The following PARD3 variants were observed in gnomAD, a reference collection of about 807,000 sequenced individuals.
PARD3 encodes the protein par-3 family cell polarity regulator, also known as partitioning defective 3 homolog.
PARD3 carries 75 observed loss-of-function variants against 155.4 expected under a neutral mutation model. The observed-to-expected ratio is 0.48, with a 90% CI of 0.40 to 0.58. The LOEUF (loss-of-function observed/expected upper bound fraction) is 0.58. Ranked by LOEUF, PARD3 falls within the 20% of genes least tolerant of loss-of-function variation. The pLI is 0.00. For synonymous variants in PARD3, 576 were observed against 610.5 expected, an observed-to-expected ratio of 0.94 and a Z score of 0.83; for missense variants, 1,642 against 1,721.7, an observed-to-expected ratio of 0.95 and a Z score of 0.82.
At chr10:34,196,902 G>T (rs1950971352) in intron 22 of PARD3, among the ~76,000 whole-genome samples, 1 of 152,104 alleles carries the variant, frequency 6.6e-6, no homozygotes, top group Middle Eastern at 3.2e-3. Flanking sequence ...CTGTGTCTGG[G>T]TGACAGCCCA....
intron 21 of PARD3, among the ~76,000 whole-genome samples, chr10:34,276,481 C>T (rs1300912859): frequency 3.3e-5 from 5 of 152,034 alleles, no homozygotes; most frequent in South Asian, 2.1e-4. Context: ...GGATGACGCT[C>T]GATGAAGATA....
intron 4 of PARD3, among the ~76,000 whole-genome samples, chr10:34,462,789 T>C (rs888065269): frequency 4.0e-5 from 6 of 150,708 alleles, no homozygotes; most frequent in Admixed American, 1.3e-4. Context: ...CAGTAAGCCA[T>C]GCACTGAACT....
At position 34,725,105 on chromosome 10, in the gene PARD3, TTGTGTGTGTGTG is replaced by T. The variant is rs71033342; in HGVS notation, c.121-28698_121-28687del. ...TAAAAGGATTGAATGAGTCAAAACT[TTGTGTGTGTGTG>T]TGTGTGTGTGTGTGTGTGTGTGTGT... On this transcript the variant is annotated intron_variant, in intron 1 of 24. Coordinates refer to ENST00000374788, the MANE Select transcript of PARD3 (RefSeq NM_001184785.2). Among the ~76,000 whole-genome samples the T allele has an allele frequency of 1.1e-3, 154 of 135,882 alleles. 1 individual carries two copies. Among genetic ancestry groups the T allele is most frequent in the East Asian group, 7.7e-3 (34 of 4,430 alleles). 89.1% of individuals were successfully genotyped at this position (135,882 alleles called of 152,430 possible).
chr10:34,567,974 A>G (rs1051203360), intron 2 of PARD3, among the ~76,000 whole-genome samples: 2 of 152,040 alleles, frequency 1.3e-5, no homozygotes, highest in Non-Finnish European at 2.9e-5. Flanking sequence ...TAGTTTTGTC[A>G]ATGGGATAAT....
At chr10:34,493,412 G>A (rs966838534) in intron 3 of PARD3, among the ~76,000 whole-genome samples, 2 of 152,126 alleles carry the variant, frequency 1.3e-5, no homozygotes, top group African/African-American at 4.8e-5. Context: ...ATTTCTGAGA[G>A]TTGATGGTTA....
chr10:34,702,950 A>G (rs1590729491), intron 1 of PARD3, among the ~76,000 whole-genome samples: 2 of 152,348 alleles, frequency 1.3e-5, no homozygotes, highest in East Asian at 3.9e-4. Context: ...AGATGCTACT[A>G]AAAATCCATC....
chr10:34,736,071 G>T (rs549455563), intron 1 of PARD3, among the ~76,000 whole-genome samples: 4 of 151,458 alleles, frequency 2.6e-5, no homozygotes, highest in Non-Finnish European at 5.9e-5. Context: ...TCGCTCTGCC[G>T]CCCAGGCTGG....
At chr10:34,759,336 A>C (rs1837147412) in intron 1 of PARD3, among the ~76,000 whole-genome samples, 1 of 152,212 alleles carries the variant, frequency 6.6e-6, no homozygotes, top group South Asian at 2.1e-4. Flanking sequence ...AATGTACATA[A>C]TATTTAATCA....
intron 1 of PARD3, among the ~76,000 whole-genome samples, chr10:34,718,876 T>C (rs530758679): frequency 1.4e-3 from 207 of 152,104 alleles, no homozygotes; most frequent in Non-Finnish European, 2.0e-3. Context: ...GGCAGGAGAA[T>C]TGTTTGAACC....
rs149205481 is a variant in PARD3, at chr10:34,336,284, C to T, written c.2561-41G>A. On this transcript the variant is annotated intron_variant, in intron 17 of 24. Coordinates refer to ENST00000374788, the MANE Select transcript of PARD3 (RefSeq NM_001184785.2). Reference sequence around the variant, plus strand: ...TGTATAATAGTTAGCCCAGTTAGTTCCCATAGCCCACCATGCTTCCACCAT... The same window carrying T: ...TGTATAATAGTTAGCCCAGTTAGTTTCCATAGCCCACCATGCTTCCACCAT... 5.1e-5 allele frequency: 76 copies of T among 1,477,778 alleles called. No homozygotes were observed. In the East Asian group the frequency reaches 1.7e-3, roughly 33 times the overall value. The allele number at this position is 1,477,778 out of a possible 1,614,324, so 91.5% of individuals were successfully genotyped here.
At chr10:34,510,672 C>T (rs1340465042) in intron 3 of PARD3, among the ~76,000 whole-genome samples, 1 of 151,810 alleles carries the variant, frequency 6.6e-6, no homozygotes, top group African/African-American at 2.4e-5. Context: ...TAAGAAGTGC[C>T]TTGAGTGTGT....
At chr10:34,809,385 C>A (rs1400956691) in intron 1 of PARD3, among the ~76,000 whole-genome samples, 1 of 152,168 alleles carries the variant, frequency 6.6e-6, no homozygotes, top group African/African-American at 2.4e-5. Flanking sequence ...GAAAACCACA[C>A]AGCACAGCCC....
intron 18 of PARD3, among the ~76,000 whole-genome samples, chr10:34,332,844 G>A (rs1835763238): frequency 1.3e-5 from 2 of 151,986 alleles, no homozygotes; most frequent in Admixed American, 1.3e-4. Flanking sequence ...TCTCTGGGCA[G>A]CACTACAATT....
intron 1 of PARD3, among the ~76,000 whole-genome samples, chr10:34,761,559 T>C (rs1219339385): frequency 2.0e-5 from 3 of 152,208 alleles, no homozygotes; most frequent in Non-Finnish European, 4.4e-5. Flanking sequence ...TTTAGAAATA[T>C]AGCCAAGTTA....
chr10:34,130,731 A>G (rs1287728639), intron 23 of PARD3, among the ~76,000 whole-genome samples: 1 of 152,210 alleles, frequency 6.6e-6, no homozygotes, highest in Non-Finnish European at 1.5e-5. Flanking sequence ...GATGGATTCA[A>G]CAAACACACA....
At chr10:34,201,248 A>G (rs1951195706) in intron 22 of PARD3, among the ~76,000 whole-genome samples, 1 of 152,202 alleles carries the variant, frequency 6.6e-6, no homozygotes, top group Non-Finnish European at 1.5e-5. Context: ...TTACTGAGCT[A>G]GCAGTGTGGC....
At chr10:34,565,392 C>T (rs1198795810) in intron 2 of PARD3, among the ~76,000 whole-genome samples, 2 of 148,636 alleles carry the variant, frequency 1.3e-5, no homozygotes, top group South Asian at 2.1e-4. Flanking sequence ...CTTGGCCTCT[C>T]GAGTAGCTGG....
intron 5 of PARD3, among the ~76,000 whole-genome samples, chr10:34,443,741 C>A (rs2076591133): frequency 6.6e-6 from 1 of 151,938 alleles, no homozygotes; most frequent in South Asian, 2.1e-4. Context: ...GGGGACACAG[C>A]CAAACCACAA....
intron 1 of PARD3, among the ~76,000 whole-genome samples, chr10:34,702,884 A>T (rs1339393588): frequency 2.0e-5 from 3 of 152,168 alleles, no homozygotes; most frequent in African/African-American, 4.8e-5. Context: ...CAAGGATGGA[A>T]GAGAGAACAA....
Sources: gnomAD v4.1 joint callset for allele counts (sites outside exome capture counted in the v4.1 genomes callset) on GRCh38, gnomAD v4.1.1 for gene constraint, MANE v1.5 for transcripts, NCBI Gene and HGNC (gene_info 2026-07-23, HGNC 2026-07-21) for gene names.